The following IDO1 variants were observed in gnomAD, a reference collection of about 807,000 sequenced individuals.
The protein encoded by IDO1 is indoleamine 2,3-dioxygenase 1.
A neutral mutation model predicts 38.8 loss-of-function variants in IDO1; 35 were observed. The observed-to-expected ratio is 0.90, with a 90% CI of 0.69 to 1.20. The LOEUF is 1.20. Ranked by LOEUF, IDO1 falls within the 50% of genes most tolerant of loss-of-function variation. The probability of loss-of-function intolerance (pLI) is 0.00; values close to 1 mark genes in which losing one functional copy is unlikely to be tolerated. For missense variants in IDO1, 509 were observed against 485.1 expected, an observed-to-expected ratio of 1.05 and a Z score of -0.46; for synonymous variants, 171 against 170.0, an observed-to-expected ratio of 1.01 and a Z score of -0.05.
chr8:39,918,800 C>T lies in IDO1; in HGVS notation c.304-15C>T. On this transcript the variant is annotated splice_polypyrimidine_tract_variant and intron_variant, in intron 3 of 9. Transcript: ENST00000518237. The stretch of plus-strand genomic sequence containing the variant: ...ACAACAACAACAAAAAACCTAACTA[C>T]TGTATTTTAATCAGGTCTTGCCAAG... The T allele has an allele frequency of 1.8e-6, 2 of 1,103,528 alleles. No individual in the cohort carries two copies. The highest frequency in any genetic ancestry group is 1.4e-6 in the Non-Finnish European group (1 of 728,210). The allele number at this position is 1,103,528 out of a possible 1,614,324, so 68.4% of individuals were successfully genotyped here.
intron 5 of IDO1, among the ~76,000 whole-genome samples, 181 bp downstream of exon 5, chr8:39,920,295 C>T (rs915053878): frequency 2.6e-5 from 4 of 152,136 alleles, no homozygotes; most frequent in Non-Finnish European, 5.9e-5. Flanking sequence ...GATTGTGTTA[C>T]AACTATGTCT....
chr8:39,917,324 C>T lies in IDO1; in HGVS notation c.88-551C>T, dbSNP rs150298509. Among the ~76,000 whole-genome samples the T allele has an allele frequency of 2.1e-3, 315 of 152,000 alleles. 1 individual carries two copies. The highest frequency in any genetic ancestry group is 7.2e-3 in the African/African-American group (298 of 41,474). On this transcript the variant is annotated intron_variant, in intron 1 of 9. Coordinates refer to ENST00000518237, the MANE Select transcript of IDO1 (RefSeq NM_002164.6). ...CAACTTGGCCAACATGGCAAAACCC[C>T]ATCTCTACTAAAAATACAAAAATTA...
chr8:39,927,531 G>A (rs1296136002), intron 9 of IDO1, among the ~76,000 whole-genome samples: 1 of 148,154 alleles, frequency 6.7e-6, no homozygotes, highest in Non-Finnish European at 1.5e-5. Flanking sequence ...CTGCACTCCA[G>A]CCTGGCCGAC....
rs1373375424 is a variant in IDO1, at chr8:39,928,201, G to A, written c.*16G>A. On this transcript the variant is annotated 3_prime_UTR_variant, in exon 10 of 10. Transcript: ENST00000518237. ...GGAAGGTTAATGTAACCCAACAAGA[G>A]CACATTTTATCATAGCAGAGACATC... The A allele has an allele frequency of 6.4e-7, 1 of 1,563,086 alleles. No individual in the cohort carries two copies.
intron 6 of IDO1, 81 bp downstream of exon 6, chr8:39,922,732 C>T: frequency 1.2e-6 from 1 of 854,822 alleles, no homozygotes; most frequent in Non-Finnish European, 2.0e-6. Flanking sequence ...CTATACTAAG[C>T]ATGAGTTAAC....
intron 5 of IDO1, 99 bp from the exon 6 acceptor site, chr8:39,922,453 A>G: frequency 1.3e-6 from 1 of 781,110 alleles, no homozygotes; most frequent in Non-Finnish European, 2.2e-6. Flanking sequence ...CACCTCTCTC[A>G]TAAAATTATG....
chr8:39,923,146 G>C (rs559778716), intron 6 of IDO1, among the ~76,000 whole-genome samples: 1 of 152,304 alleles, frequency 6.6e-6, no homozygotes, highest in African/African-American at 2.4e-5. Context: ...GCTCACACCT[G>C]TAATCCCAGC....
At position 39,923,472 on chromosome 8, in the gene IDO1, A is replaced by C. The variant is rs771143153; in HGVS notation, c.541A>C (p.Ile181Leu). 1 of 1,559,090 alleles carries C rather than the reference A, an allele frequency of 6.4e-7. No homozygotes were observed. Among genetic ancestry groups the C allele is most frequent in the South Asian group, 1.1e-5 (1 of 89,832 alleles). Reference sequence around the variant, plus strand: ...GTGTTTTGTTTGTTTGTTTTAGGTAATTCCTACTGTATTCAAGGCAATGCA... The same window carrying C: ...GTGTTTTGTTTGTTTGTTTTAGGTACTTCCTACTGTATTCAAGGCAATGCA... Reference protein sequence around the residue: ...EIAAASAIKVIPTVFKAMQMQ... With the variant: ...EIAAASAIKVLPTVFKAMQMQ... Residue 181 changes from isoleucine (I) to leucine (L), a missense_variant, in exon 7 of 10, where the codon ATT becomes CTT. Coordinates refer to ENST00000518237, the MANE Select transcript of IDO1 (RefSeq NM_002164.6).
Position 39,913,933 on chromosome 8 carries a change from C to T in IDO1, c.11C>T (p.Ala4Val), listed in dbSNP as rs1391037370. The T allele has an allele frequency of 2.5e-6, 4 of 1,569,204 alleles. No individual in the cohort carries two copies. The highest frequency in any genetic ancestry group is 3.5e-6 in the Non-Finnish European group (4 of 1,156,878). ...GAGCAGACTACAAGAATGGCACACGCTATGGAAAACTCCTGGACAATCAGT... is the reference window on the plus strand; with the variant it reads ...GAGCAGACTACAAGAATGGCACACGTTATGGAAAACTCCTGGACAATCAGT... MAH[A>V]MENSWTISKE... Residue 4 changes from alanine to valine, a missense_variant, in exon 1 of 10, where the codon GCT becomes GTT. By Grantham distance (64) the Ala-to-Val change is moderately conservative. Transcript: ENST00000518237.
chr8:39,919,182 T>C (rs1343516370), intron 4 of IDO1: 1 of 607,414 alleles, frequency 1.6e-6, no homozygotes, highest in African/African-American at 1.8e-5. Context: ...TGAATTTAAC[T>C]ATTATATACA....
At position 39,918,109 on chromosome 8, in the gene IDO1, C is replaced by A. The variant is rs763006663; in HGVS notation, c.205C>A (p.His69Asn). 5.0e-6 allele frequency: 8 copies of A among 1,613,830 alleles called. No individual in the cohort carries two copies. In the South Asian group the frequency reaches 7.7e-5, roughly 16 times the overall value. Residue 69 changes from histidine to asparagine, a missense_variant, in exon 3 of 10, where the codon CAT (histidine) becomes AAT (asparagine). Coordinates refer to ENST00000518237, the MANE Select transcript of IDO1 (RefSeq NM_002164.6). ...TCAGTTAAACATGCTCAGCATTGAT[C>A]ATCTCACAGACCACAAGTCACAGCG... ...VEKLNMLSID[H>N]LTDHKSQRLA... is the part of the protein sequence containing the mutation.
intron 7 of IDO1, among the ~76,000 whole-genome samples, chr8:39,924,215 A>G (rs558583908): frequency 1.3e-5 from 2 of 152,220 alleles, no homozygotes; most frequent in Non-Finnish European, 2.9e-5. Context: ...CAAGTAGGGT[A>G]GGAGACTGAG....
Position 39,923,503 on chromosome 8 carries a change from A to T in IDO1, c.572A>T (p.Gln191Leu), listed in dbSNP as rs1477739668. The change falls in exon 7 of 10, where the codon CAA becomes CTA. Residue 191 changes from glutamine (Q) to leucine (L), a missense_variant. Gln to Leu is a moderately radical substitution (Grantham distance 113). Coordinates refer to ENST00000518237, the MANE Select transcript of IDO1 (RefSeq NM_002164.6). Reference sequence around the variant, plus strand: ...ACTGTATTCAAGGCAATGCAAATGCAAGAACGGGACACTTTGCTAAAGGCG... The same window carrying T: ...ACTGTATTCAAGGCAATGCAAATGCTAGAACGGGACACTTTGCTAAAGGCG... ...IPTVFKAMQM[Q>L]ERDTLLKALL... is the part of the protein sequence containing the mutation. 1.2e-6 allele frequency: 2 copies of T among 1,612,964 alleles called. No individual in the cohort carries two copies. The highest frequency in any genetic ancestry group is 1.7e-5 in the Admixed American group (1 of 60,020).
At chr8:39,925,907 G>A (rs561925853) in intron 9 of IDO1, among the ~76,000 whole-genome samples, 1 of 151,678 alleles carries the variant, frequency 6.6e-6, no homozygotes, top group African/African-American at 2.4e-5. Context: ...AAAATAAAAA[G>A]CCAGGTGCAG....
chr8:39,922,268 C>T (rs1282364786), intron 5 of IDO1, among the ~76,000 whole-genome samples: 5 of 151,940 alleles, frequency 3.3e-5, no homozygotes, highest in African/African-American at 4.8e-5. Flanking sequence ...CCTAAAGTGC[C>T]GGAATTACAG....
chr8:39,924,848 A>G lies in IDO1; in HGVS notation c.707+76A>G, dbSNP rs73619526. ...CACCAAATTCTCTTGGTTGGTCCCT[A>G]ATATCCATTGGGTTTGGCTAACAAT... On this transcript the variant is annotated intron_variant, in intron 8 of 9. Transcript: ENST00000518237. 4.4e-3 allele frequency: 4,671 copies of G among 1,066,556 alleles called. 140 individuals carry two copies. The African/African-American group carries it at 0.063, about 14-fold the overall frequency. 66.1% of individuals were successfully genotyped at this position (1,066,556 alleles called of 1,614,324 possible).
Position 39,923,449 on chromosome 8 carries a change from G to T in IDO1, c.538-20G>T. The stretch of plus-strand genomic sequence containing the variant: ...AAGAAAGAAAACCTTAAATGTTTGT[G>T]TTTTGTTTGTTTGTTTTAGGTAATT... On this transcript the variant is annotated intron_variant, in intron 6 of 9. Coordinates refer to ENST00000518237, the MANE Select transcript of IDO1 (RefSeq NM_002164.6). 7.0e-6 allele frequency: 9 copies of T among 1,291,858 alleles called. No homozygotes were observed. The highest frequency in any genetic ancestry group is 1.0e-5 in the Non-Finnish European group (9 of 893,212). The allele number at this position is 1,291,858 out of a possible 1,614,324, so 80.0% of individuals were successfully genotyped here.
At chr8:39,927,613 T>C (rs1807386685) in intron 9 of IDO1, among the ~76,000 whole-genome samples, 1 of 151,662 alleles carries the variant, frequency 6.6e-6, no homozygotes, top group South Asian at 2.1e-4. Flanking sequence ...AAAATGAGTT[T>C]AGCTCATTCA....
At chr8:39,923,739 G>T in intron 7 of IDO1, 153 bp downstream of exon 7, 1 of 497,430 alleles carries the variant, frequency 2.0e-6, no homozygotes, top group Non-Finnish European at 3.6e-6. Flanking sequence ...TTTCTATGTG[G>T]TAGGTTTCAT....
Sources: allele counts gnomAD v4.1 joint callset (sites outside exome capture counted in the v4.1 genomes callset), GRCh38; gene constraint gnomAD v4.1.1; transcripts MANE v1.5; gene names NCBI Gene and HGNC (gene_info 2026-07-23, HGNC 2026-07-21).